SLC22A14: variants seen among roughly 807,000 people sequenced by gnomAD.
SLC22A14 encodes solute carrier family 22 member 14.
Under a neutral mutation model 53.9 loss-of-function variants are expected in SLC22A14, and 50 were observed. The observed-to-expected ratio is 0.93, with a 90% CI of 0.74 to 1.17. The LOEUF is 1.17. SLC22A14 is among the 50% of genes most tolerant of loss of function. The pLI, the probability that SLC22A14 is intolerant of heterozygous loss-of-function variation, is 0.00. For missense variants in SLC22A14, 671 were observed against 734.7 expected (o/e 0.91, Z 1.00); for synonymous variants, 312 against 303.0 (o/e 1.03, Z -0.31).
chr3:38,279,288 A>G (rs993570339), upstream of SLC22A14, among the ~76,000 whole-genome samples: 10 of 152,228 alleles, frequency 6.6e-5, no homozygotes, highest in African/African-American at 2.4e-4. Flanking sequence ...TGTGTCTCTC[A>G]GGCTGAAACT....
intron 1 of SLC22A14, among the ~76,000 whole-genome samples, chr3:38,295,665 T>A (rs1043004186): frequency 2.6e-5 from 4 of 152,114 alleles, no homozygotes; most frequent in African/African-American, 4.8e-5. Flanking sequence ...AATTTTATTT[T>A]ATTTTATTTC....
chr3:38,283,243 A>C lies in SLC22A14; in HGVS notation c.-1+904A>C, dbSNP rs1703711690. 2.0e-5 allele frequency among the ~76,000 whole-genome samples: 3 copies of C among 152,122 alleles called. No homozygotes were observed. In the South Asian group the frequency reaches 6.2e-4, roughly 31 times the overall value. ...AGGATAATCTATTTTAAAGTCAGCT[A>C]AGTAGTAACCTTAACTTCATCTGTA... On this transcript the variant is annotated intron_variant, in intron 1 of 10. Transcript: ENST00000448498.
At chr3:38,306,909 T>C (rs1240181734) in intron 2 of SLC22A14, among the ~76,000 whole-genome samples, 2 of 152,200 alleles carry the variant, frequency 1.3e-5, no homozygotes, top group Non-Finnish European at 2.9e-5. Flanking sequence ...ATCTAGGCCC[T>C]TTACAACACA....
chr3:38,315,768 C>T, intron 9 of SLC22A14, 57 bp downstream of exon 9: 1 of 1,541,968 alleles, frequency 6.5e-7, no homozygotes, highest in Non-Finnish European at 8.9e-7. Flanking sequence ...GTGACAATGA[C>T]AAGATTAATG....
chr3:38,292,101 A>G (rs1321677377), intron 1 of SLC22A14, among the ~76,000 whole-genome samples: 2 of 152,266 alleles, frequency 1.3e-5, no homozygotes, highest in African/African-American at 4.8e-5. Context: ...ATTTAAGAGC[A>G]CTTGGGTGGC....
chr3:38,313,685 T>TGTGTGTGTGTGTGTGCGTGCGC, intron 7 of SLC22A14, 42 bp from the exon 8 acceptor site: 41 of 901,920 alleles, frequency 4.5e-5, no homozygotes, highest in Non-Finnish European at 7.0e-5. Flanking sequence ...TCCGTGTGTG[T>TGTGTGTGTGTGTGTGCGTGCGC]GCGCGCGTGT....
intron 5 of SLC22A14, 28 bp downstream of exon 5, chr3:38,309,150 A>C (rs952039644): frequency 6.3e-7 from 1 of 1,597,848 alleles, no homozygotes; most frequent in Non-Finnish European, 8.6e-7. Context: ...GGGCATGTAC[A>C]GGGCTGGGTC....
At chr3:38,301,646 C>T (rs1367835847) in intron 1 of SLC22A14, among the ~76,000 whole-genome samples, 1 of 152,052 alleles carries the variant, frequency 6.6e-6, no homozygotes, top group African/African-American at 2.4e-5. Context: ...TATCTCATTG[C>T]ACTGGCTAGG....
intron 1 of SLC22A14, among the ~76,000 whole-genome samples, chr3:38,288,554 G>A (rs925460157): frequency 6.6e-6 from 1 of 152,102 alleles, no homozygotes; most frequent in Non-Finnish European, 1.5e-5. Flanking sequence ...ATACAAAAGG[G>A]TTCGAATTTC....
intron 1 of SLC22A14, among the ~76,000 whole-genome samples, chr3:38,285,990 T>G (rs1703782617): frequency 6.6e-6 from 1 of 152,198 alleles, no homozygotes; most frequent in Non-Finnish European, 1.5e-5. Flanking sequence ...CCCAGCACTG[T>G]GGGAGGCCGA....
At position 38,316,371 on chromosome 3, in the gene SLC22A14, TC is replaced by T. The variant is rs748786398; in HGVS notation, c.1581del (p.Leu528CysfsTer3). ...LVSLASVAGA[I>X]LSLTIISQTP... ...TCTCTGGCCTCGGTGGCTGGAGCCA[TC>T]TTGTCCCTGACAATCATCAGCCAGA... On this transcript the variant is annotated frameshift_variant, in exon 10 of 11. Transcript: ENST00000448498. LOFTEE classifies it high-confidence loss of function. 1 of 1,613,992 alleles carries T rather than the reference TC, an allele frequency of 6.2e-7. No homozygotes were observed. The highest frequency in any genetic ancestry group is 1.3e-5 in the African/African-American group (1 of 74,896).
chr3:38,293,730 A>C (rs956565675), intron 1 of SLC22A14, among the ~76,000 whole-genome samples: 3 of 152,172 alleles, frequency 2.0e-5, no homozygotes, highest in Non-Finnish European at 2.9e-5. Context: ...CTGCGGCACC[A>C]ATTTCCATGT....
Position 38,307,150 on chromosome 3 carries a change from C to T in SLC22A14, c.517-104C>T. The T allele has an allele frequency of 1.2e-6, 1 of 809,550 alleles. No homozygotes were observed. The highest frequency in any genetic ancestry group is 2.2e-6 in the Non-Finnish European group (1 of 451,064). 50.1% of individuals were successfully genotyped at this position (809,550 alleles called of 1,614,324 possible). On this transcript the variant is annotated intron_variant, in intron 2 of 10. Coordinates refer to ENST00000448498, the MANE Select transcript of SLC22A14 (RefSeq NM_001320033.2). This position sits in a 1 kb window ranked among gnomAD's most constrained non-coding sequence, Gnocchi z 4.4. ...GGCACGCTGCACACTGTTAACTGCCCCTACCCCAGGTCCCCTTGGCCTATA... is the reference window on the plus strand; with the variant it reads ...GGCACGCTGCACACTGTTAACTGCCTCTACCCCAGGTCCCCTTGGCCTATA...
In SLC22A14 at chr3:38,309,102, C is replaced by A; in HGVS notation, c.924C>A (p.Ile308=). Residue 308 remains isoleucine, a synonymous_variant, in exon 5 of 11, where the codon ATC becomes ATA. Coordinates refer to ENST00000448498, the MANE Select transcript of SLC22A14 (RefSeq NM_001320033.2). The part of the protein sequence containing the change: ...LLFLVGGILV[I]PFISYIWILP... ...TTCTGGTGGGTGGGATACTTGTGAT[C>A]CCCTTCATCTCCTATATCTGGTGAG... is the stretch of plus-strand genomic sequence containing the variant. The A allele has an allele frequency of 6.2e-7, 1 of 1,613,976 alleles. No individual in the cohort carries two copies. Among genetic ancestry groups the A allele is most frequent in the Non-Finnish European group, 8.5e-7 (1 of 1,179,856 alleles).
In SLC22A14 at chr3:38,313,938, G is replaced by T; in HGVS notation, c.1375G>T (p.Glu459Ter). 1 of 1,613,182 alleles carries T rather than the reference G, an allele frequency of 6.2e-7. No homozygotes were observed. The highest frequency in any genetic ancestry group is 8.5e-7 in the Non-Finnish European group (1 of 1,179,648). The change falls in exon 8 of 11, where the codon GAA becomes TAA. Residue 459 changes from glutamate to a stop codon, truncating the protein, a stop_gained. Transcript: ENST00000448498. LOFTEE classifies it high-confidence loss of function. ...GTGCTTGCTTCTCCTTTTCCTCCCT[G>T]AAGGTACAGCTCATCCTTCCCCTGT... is the stretch of plus-strand genomic sequence containing the variant. Reference protein sequence around the residue: ...IWCLLLLFLPEGEDGLRLKWP... With the variant: ...IWCLLLLFLP
At chr3:38,283,046 C>T (rs1234862699) in intron 1 of SLC22A14, among the ~76,000 whole-genome samples, 1 of 152,158 alleles carries the variant, frequency 6.6e-6, no homozygotes, top group Non-Finnish European at 1.5e-5. Context: ...TAGGGCAGAG[C>T]TCATTTCCTT....
Position 38,313,527 on chromosome 3 carries a change from C to T in SLC22A14, c.1163+42C>T, listed in dbSNP as rs776142578. 49 of 1,410,936 alleles carry T rather than the reference C, an allele frequency of 3.5e-5. 1 individual carries two copies. The South Asian group carries it at 4.1e-4, about 12-fold the overall frequency. 87.4% of individuals were successfully genotyped at this position (1,410,936 alleles called of 1,614,324 possible). ...CGCTGGCAGGGACTGCGAACAGGTG[C>T]GCAGGCTGGAAACTCTAGGGAGAGG... is the stretch of plus-strand genomic sequence containing the variant. On this transcript the variant is annotated intron_variant, in intron 7 of 10. Transcript: ENST00000448498.
upstream of SLC22A14, among the ~76,000 whole-genome samples, chr3:38,279,816 G>T (rs960361124): frequency 6.6e-6 from 1 of 152,254 alleles, no homozygotes; most frequent in Non-Finnish European, 1.5e-5. Context: ...CTCCTCAAAG[G>T]TTACGGCAAT....
intron 1 of SLC22A14, among the ~76,000 whole-genome samples, chr3:38,287,813 C>T (rs1703824819): frequency 6.6e-6 from 1 of 152,182 alleles, no homozygotes; most frequent in Non-Finnish European, 1.5e-5. Context: ...GAACTGACAA[C>T]TTTTATTCAT....
Sources: gnomAD v4.1 joint callset for allele counts (sites outside exome capture counted in the v4.1 genomes callset) on GRCh38, gnomAD v4.1.1 for gene constraint, Gnocchi (gnomAD v3.1) non-coding constraint, MANE v1.5 for transcripts, NCBI Gene and HGNC (gene_info 2026-07-23, HGNC 2026-07-21) for gene names.